EXOG: variants seen among roughly 807,000 people sequenced by gnomAD.
EXOG encodes nuclease EXOG, mitochondrial.
Under a neutral mutation model 25.8 loss-of-function variants are expected in EXOG, and 27 were observed. That is an observed-to-expected ratio of 1.05 (90% CI 0.77 to 1.45). The LOEUF is 1.45. EXOG is among the 40% of genes most tolerant of loss of function. The pLI, the probability that EXOG is intolerant of heterozygous loss-of-function variation, is 0.00. For missense variants in EXOG, 458 were observed against 450.5 expected (o/e 1.02, Z -0.15); for synonymous variants, 133 against 167.0 (o/e 0.80, Z 1.57).
intron 3 of EXOG, among the ~76,000 whole-genome samples, chr3:38,502,719 T>G (rs1299378932): frequency 6.6e-6 from 1 of 152,182 alleles, no homozygotes; most frequent in African/African-American, 2.4e-5. Flanking sequence ...ATTATGACCT[T>G]TATAGCTTTT....
intron 4 of EXOG, among the ~76,000 whole-genome samples, chr3:38,505,807 A>G (rs1276829350): frequency 6.7e-6 from 1 of 148,894 alleles, no homozygotes; most frequent in Non-Finnish European, 1.5e-5. Context: ...CACTAAAAAT[A>G]AAAAAAAAAT....
chr3:38,508,140 A>T (rs1197182862), intron 5 of EXOG, among the ~76,000 whole-genome samples: 2 of 152,184 alleles, frequency 1.3e-5, no homozygotes, highest in African/African-American at 4.8e-5. Flanking sequence ...CGAAAAAAAT[A>T]AAAATAAAAA....
rs1216871572 is a variant in EXOG at position 38,526,142 on chromosome 3, C to T, written c.*1780C>T. ...ACACGGAGTCCTTTCATGGACTATCCTGAGTATTGTCAGTAAAACGTCTTG... is the reference window on the plus strand; with the variant it reads ...ACACGGAGTCCTTTCATGGACTATCTTGAGTATTGTCAGTAAAACGTCTTG... On this transcript the variant is annotated 3_prime_UTR_variant, in exon 6 of 6. Coordinates refer to ENST00000287675, the MANE Select transcript of EXOG (RefSeq NM_005107.4). The T allele has an allele frequency of 3.0e-6, 3 of 985,154 alleles. No individual in the cohort carries two copies. Among genetic ancestry groups the T allele is most frequent in the Non-Finnish European group, 3.6e-6 (3 of 829,900 alleles). The allele number at this position is 985,154 out of a possible 1,614,324, so 61.0% of individuals were successfully genotyped here. A position where few individuals can be genotyped will look rare whatever the true frequency, so the allele number is the denominator to read the frequency against.
At chr3:38,516,882 A>T (rs547622508) in intron 5 of EXOG, among the ~76,000 whole-genome samples, 1 of 152,078 alleles carries the variant, frequency 6.6e-6, no homozygotes, top group Admixed American at 6.5e-5. Flanking sequence ...TTTGCTCATG[A>T]TTCATTATGT....
chr3:38,497,666 C>A lies in EXOG; in HGVS notation c.201C>A (p.Phe67Leu). The change falls in exon 2 of 6, where the codon TTC becomes TTA. Residue 67 changes from phenylalanine (F) to leucine (L), a missense_variant. By Grantham distance (22) the Phe-to-Leu change is conservative (BLOSUM62 0). Coordinates refer to ENST00000287675, the MANE Select transcript of EXOG (RefSeq NM_005107.4). The stretch of plus-strand genomic sequence containing the variant: ...AGGCTGTCTTGGAACAATTTGGATT[C>A]CCTTTAACTGGAACAGAGGCAAGGT... Reference protein sequence around the residue: ...AEKAVLEQFGFPLTGTEARCY... With the variant: ...AEKAVLEQFGLPLTGTEARCY... 6.3e-7 allele frequency: 1 copy of A among 1,580,006 alleles called. No individual in the cohort carries two copies. Among genetic ancestry groups the A allele is most frequent in the South Asian group, 1.2e-5 (1 of 86,672 alleles).
chr3:38,497,101 G>T, intron 1 of EXOG: 1 of 1,003,116 alleles, frequency 1.0e-6, no homozygotes. Context: ...ATTAACACGA[G>T]CTCATTTCTT....
Position 38,524,359 on chromosome 3 carries a change from C to G in EXOG, c.1104C>G (p.Ser368=). 5 of 1,596,832 alleles carry G rather than the reference C, an allele frequency of 3.1e-6. No individual in the cohort carries two copies. The highest frequency in any genetic ancestry group is 4.3e-6 in the Non-Finnish European group (5 of 1,173,470). The change falls in exon 6 of 6, where the codon TCC becomes TCG. Residue 368 remains serine, a synonymous_variant. Coordinates refer to ENST00000287675, the MANE Select transcript of EXOG (RefSeq NM_005107.4). Reference sequence around the variant, plus strand: ...CAGGAACCCAGATAAGAAAGCCATCCTAGTTTTTATCTCAAGATGTGTCAT... The same window carrying G: ...CAGGAACCCAGATAAGAAAGCCATCGTAGTTTTTATCTCAAGATGTGTCAT... ...EQSGTQIRKP[S]
intron 5 of EXOG, chr3:38,523,126 A>G: frequency 1.0e-6 from 1 of 996,506 alleles, no homozygotes; most frequent in Non-Finnish European, 1.4e-6. Flanking sequence ...CTATCTGTTT[A>G]GTTCCCTAGT....
intron 5 of EXOG, among the ~76,000 whole-genome samples, chr3:38,521,666 G>A (rs1451528831): frequency 6.6e-6 from 1 of 152,158 alleles, no homozygotes; most frequent in African/African-American, 2.4e-5. Context: ...CTCCCTCTTT[G>A]CAAACTATGG....
intron 5 of EXOG, among the ~76,000 whole-genome samples, chr3:38,514,230 GCTT>G (rs2060462856): frequency 6.6e-6 from 1 of 152,260 alleles, no homozygotes; most frequent in Admixed American, 6.5e-5. Flanking sequence ...GCACACACTG[GCTT>G]CTTGTGAAGA....
intron 5 of EXOG, among the ~76,000 whole-genome samples, chr3:38,509,298 T>G (rs982627257): frequency 6.6e-6 from 1 of 152,214 alleles, no homozygotes; most frequent in Non-Finnish European, 1.5e-5. Flanking sequence ...GAACAAAAAT[T>G]TGTACAATGT....
intron 2 of EXOG, among the ~76,000 whole-genome samples, chr3:38,500,954 A>G (rs2060026395): frequency 6.6e-6 from 1 of 152,236 alleles, no homozygotes; most frequent in Non-Finnish European, 1.5e-5. Context: ...CAGTACACAT[A>G]AACTTGTCAA....
At position 38,502,800 on chromosome 3, in the gene EXOG, A is replaced by G. The variant is rs376405906; in HGVS notation, c.454-815A>G. The stretch of plus-strand genomic sequence containing the variant: ...ATATTTCTTTAGTCTTCTTTAATCT[A>G]GAATGATTTCCCTGCCAAAAAGTGG... On this transcript the variant is annotated intron_variant, in intron 3 of 5. Transcript: ENST00000287675. Among the ~76,000 whole-genome samples, 13 of 152,304 alleles carry G rather than the reference A, an allele frequency of 8.5e-5. No homozygotes were observed. In the East Asian group the frequency reaches 1.9e-3, roughly 23 times the overall value.
intron 5 of EXOG, among the ~76,000 whole-genome samples, chr3:38,517,914 G>A (rs1204010734): frequency 1.3e-5 from 2 of 151,998 alleles, no homozygotes; most frequent in Non-Finnish European, 2.9e-5. Context: ...TAATAATACT[G>A]CTTTTATTAG....
chr3:38,505,343 A>T (rs940520104), intron 4 of EXOG: 3 of 150,290 alleles, frequency 2.0e-5, no homozygotes, highest in Non-Finnish European at 3.0e-5. Flanking sequence ...TCCTTTCCAT[A>T]TTCTGGATTT....
chr3:38,523,807 C>T (rs1247239018), intron 5 of EXOG, 94 bp from the exon 6 acceptor site: 2 of 786,664 alleles, frequency 2.5e-6, no homozygotes, highest in Non-Finnish European at 4.1e-6. Context: ...CTTATAAGTA[C>T]ATTTCAGCAA....
intron 5 of EXOG, among the ~76,000 whole-genome samples, chr3:38,514,086 T>C (rs1696420458): frequency 6.6e-6 from 1 of 152,198 alleles, no homozygotes; most frequent in Non-Finnish European, 1.5e-5. Flanking sequence ...TAGAGCAGCG[T>C]AAGCATGAGG....
At chr3:38,507,822 G>A (rs1044675756) in intron 5 of EXOG, among the ~76,000 whole-genome samples, 8 of 152,064 alleles carry the variant, frequency 5.3e-5, no homozygotes, top group Admixed American at 2.6e-4. Flanking sequence ...GAGGAAGAGG[G>A]AGAAGTTCCA....
intron 1 of EXOG, 50 bp from the exon 2 acceptor site, chr3:38,497,579 T>G (rs760406142): frequency 1.3e-6 from 2 of 1,542,114 alleles, no homozygotes; most frequent in Non-Finnish European, 1.7e-6. Context: ...ATTGTGTGTG[T>G]GTGTTTTTTT....
Sources: gnomAD v4.1 joint callset for allele counts (sites outside exome capture counted in the v4.1 genomes callset) on GRCh38, gnomAD v4.1.1 for gene constraint, MANE v1.5 for transcripts, NCBI Gene and HGNC (gene_info 2026-07-23, HGNC 2026-07-21) for gene names.